PALLD: variants seen among roughly 807,000 people sequenced by gnomAD.
PALLD encodes palladin.
Under a neutral mutation model 123.5 loss-of-function variants are expected in PALLD, and 61 were observed. The ratio of observed to expected loss-of-function variants is 0.49; its 90% CI spans 0.40 to 0.61. The LOEUF (loss-of-function observed/expected upper bound fraction) is 0.61, where lower values mean the gene tolerates loss of function less well. Among genes scored for constraint, PALLD ranks in the 20% least tolerant of loss-of-function variants. PALLD has a pLI of 0.00. For missense variants in PALLD, 1,273 were observed against 1,377.0 expected (o/e 0.92, Z 1.20); for synonymous variants, 465 against 496.4 (o/e 0.94, Z 0.84).
At chr4:168,526,445 C>T (rs1463327597) in intron 2 of PALLD, among the ~76,000 whole-genome samples, 2 of 151,984 alleles carry the variant, frequency 1.3e-5, no homozygotes, top group Non-Finnish European at 2.9e-5. Context: ...AATTATGATC[C>T]AAAAAGAAAG....
At chr4:168,796,175 A>G (rs1329621994) in intron 10 of PALLD, among the ~76,000 whole-genome samples, 1 of 151,934 alleles carries the variant, frequency 6.6e-6, no homozygotes, top group Admixed American at 6.6e-5. Flanking sequence ...CCCATCAACC[A>G]CCCTCACCTC....
intron 10 of PALLD, among the ~76,000 whole-genome samples, chr4:168,761,701 G>A (rs1176085459): frequency 1.3e-4 from 15 of 116,996 alleles, no homozygotes; most frequent in South Asian, 3.1e-4. Flanking sequence ...TGGTAGAGAC[G>A]GGGTTTCACC....
chr4:168,780,605 A>G (rs771284863), intron 10 of PALLD, among the ~76,000 whole-genome samples: 4 of 152,220 alleles, frequency 2.6e-5, no homozygotes, highest in Non-Finnish European at 5.9e-5. Context: ...AGGGGTGGCC[A>G]TGGCAGACAC....
chr4:168,708,270 G>GTCATCA (rs150158110), intron 8 of PALLD, among the ~76,000 whole-genome samples: 1 of 151,920 alleles, frequency 6.6e-6, no homozygotes, highest in Non-Finnish European at 1.5e-5. Flanking sequence ...TCTTGTTATC[G>GTCATCA]TCATCATCAT....
intron 10 of PALLD, among the ~76,000 whole-genome samples, chr4:168,852,941 T>C (rs1197314749): frequency 6.6e-6 from 1 of 152,218 alleles, no homozygotes; most frequent in Non-Finnish European, 1.5e-5. Context: ...CCTGCCTCAG[T>C]TGTTTTTGGT....
intron 10 of PALLD, among the ~76,000 whole-genome samples, chr4:168,847,025 C>T (rs555055851): frequency 6.6e-6 from 1 of 152,294 alleles, no homozygotes; most frequent in African/African-American, 2.4e-5. Flanking sequence ...GCAAGCTGCT[C>T]CCATCTGCCA....
chr4:168,699,706 A>C (rs1047064381), intron 8 of PALLD, among the ~76,000 whole-genome samples: 1 of 152,152 alleles, frequency 6.6e-6, no homozygotes, highest in Non-Finnish European at 1.5e-5. Context: ...AATGCAATTC[A>C]AGGTTGCCTT....
intron 10 of PALLD, among the ~76,000 whole-genome samples, chr4:168,784,676 T>C (rs1736427606): frequency 6.6e-6 from 1 of 152,228 alleles, no homozygotes; most frequent in Non-Finnish European, 1.5e-5. Flanking sequence ...AGAGACAAAC[T>C]GCTGCTGTCA....
chr4:168,533,070 T>C (rs1428872002), intron 2 of PALLD, among the ~76,000 whole-genome samples: 1 of 152,024 alleles, frequency 6.6e-6, no homozygotes, highest in Non-Finnish European at 1.5e-5. Flanking sequence ...TCGAGGACAA[T>C]AATGGAAAGC....
At chr4:168,678,773 A>ATGTG (rs35217582) in intron 3 of PALLD, among the ~76,000 whole-genome samples, 2 of 149,368 alleles carry the variant, frequency 1.3e-5, no homozygotes, top group East Asian at 2.0e-4. Context: ...TCAGAGGGGT[A>ATGTG]TGTGTGTGTG....
chr4:168,646,117 C>T (rs1394555180), intron 2 of PALLD, among the ~76,000 whole-genome samples: 1 of 152,142 alleles, frequency 6.6e-6, no homozygotes, highest in Non-Finnish European at 1.5e-5. Flanking sequence ...TGGCAGCATG[C>T]AGCATCACCT....
chr4:168,670,529 C>T (rs1339015404), intron 3 of PALLD, among the ~76,000 whole-genome samples: 1 of 150,284 alleles, frequency 6.7e-6, no homozygotes, highest in Non-Finnish European at 1.5e-5. Context: ...GTCAGGAGAT[C>T]GAGACCATCC....
At chr4:168,710,395 T>TATC in intron 9 of PALLD, among the ~76,000 whole-genome samples, 1 of 152,298 alleles carries the variant, frequency 6.6e-6, no homozygotes, top group African/African-American at 2.4e-5. Context: ...AAAATATGTT[T>TATC]TTGACCAAGC....
At chr4:168,732,469 C>T (rs1046512697) in intron 10 of PALLD, among the ~76,000 whole-genome samples, 5 of 152,118 alleles carry the variant, frequency 3.3e-5, no homozygotes, top group South Asian at 2.1e-4. Flanking sequence ...TCTAGAAAGC[C>T]GCTTGCTCTT....
At chr4:168,638,439 G>A (rs565818908) in intron 2 of PALLD, among the ~76,000 whole-genome samples, 8 of 152,266 alleles carry the variant, frequency 5.3e-5, no homozygotes, top group Admixed American at 3.9e-4. Flanking sequence ...CTTCCAGGGG[G>A]TCTCCTCAGC....
intron 10 of PALLD, among the ~76,000 whole-genome samples, chr4:168,874,456 A>G (rs1232723220): frequency 6.6e-6 from 1 of 152,186 alleles, no homozygotes; most frequent in East Asian, 1.9e-4. Context: ...TAGAGGAGTT[A>G]TTTTCTATAA....
chr4:168,814,115 G>T (rs1019781839), intron 10 of PALLD, among the ~76,000 whole-genome samples: 10 of 152,118 alleles, frequency 6.6e-5, no homozygotes, highest in African/African-American at 1.7e-4. Flanking sequence ...TTTTTGAGAC[G>T]TTCCAAACCA....
chr4:168,709,004 T>G, intron 8 of PALLD, 24 bp from the exon 9 acceptor site: 1 of 1,612,004 alleles, frequency 6.2e-7, no homozygotes, highest in Non-Finnish European at 8.5e-7. Flanking sequence ...CTCTGATGAA[T>G]GATTCTGTTC....
At chr4:168,784,293 A>C (rs1736365221) in intron 10 of PALLD, among the ~76,000 whole-genome samples, 1 of 152,038 alleles carries the variant, frequency 6.6e-6, no homozygotes, top group African/African-American at 2.4e-5. Context: ...TGATTGTGCC[A>C]CTGCACTTCA....
Sources: gnomAD v4.1 joint callset for allele counts (sites outside exome capture counted in the v4.1 genomes callset) on GRCh38, gnomAD v4.1.1 for gene constraint, MANE v1.5 for transcripts, NCBI Gene and HGNC (gene_info 2026-07-23, HGNC 2026-07-21) for gene names.